Variants in CFAP54 observed in about 807,000 individuals in gnomAD.
CFAP54 encodes cilia and flagella associated protein 54, also known as cilia- and flagella-associated protein 54.
CFAP54 carries 290 observed loss-of-function variants against 370.4 expected under a neutral mutation model. The observed-to-expected ratio is 0.78, with a 90% CI of 0.71 to 0.86. The LOEUF is 0.86. Among genes scored for constraint, CFAP54 ranks in the 40% least tolerant of loss-of-function variants. CFAP54 has a pLI of 0.00. For synonymous variants in CFAP54, 1,206 were observed against 1,236.5 expected, an observed-to-expected ratio of 0.98 and a Z score of 0.52; for missense variants, 3,399 against 3,528.7, an observed-to-expected ratio of 0.96 and a Z score of 0.93.
At chr12:96,719,207 T>C (rs1957720443) in intron 49 of CFAP54, among the ~76,000 whole-genome samples, 2 of 152,222 alleles carry the variant, frequency 1.3e-5, no homozygotes, top group African/African-American at 2.4e-5. Flanking sequence ...TGAACTGTGC[T>C]GTGCTGAACC....
intron 58 of CFAP54, among the ~76,000 whole-genome samples, chr12:96,759,766 G>A (rs10860093): frequency 0.36 from 55,322 of 151,946 alleles, 10,818 homozygotes; most frequent in East Asian, 0.58. Flanking sequence ...TAGTTTCCTC[G>A]CCTGTGAAAT....
At chr12:96,665,189 T>A (rs1035093825) in intron 39 of CFAP54, among the ~76,000 whole-genome samples, 1 of 152,042 alleles carries the variant, frequency 6.6e-6, no homozygotes, top group African/African-American at 2.4e-5. Context: ...TAAATTTGCT[T>A]AAGTTCCTTA....
intron 5 of CFAP54, among the ~76,000 whole-genome samples, chr12:96,517,134 G>T (rs1157585890): frequency 6.6e-6 from 1 of 151,964 alleles, no homozygotes; most frequent in Non-Finnish European, 1.5e-5. Context: ...TTTGAAAATG[G>T]CTTTTCCTGT....
At chr12:96,663,774 G>A (rs964827325) in intron 38 of CFAP54, 56 bp from the exon 39 acceptor site, 51 of 1,305,238 alleles carry the variant, frequency 3.9e-5, no homozygotes, top group East Asian at 1.2e-4. Flanking sequence ...TCAAGTAAGC[G>A]AAATTTTTAA....
intron 65 of CFAP54, among the ~76,000 whole-genome samples, chr12:96,821,430 A>G (rs1485691414): frequency 6.6e-6 from 1 of 152,082 alleles, no homozygotes; most frequent in Non-Finnish European, 1.5e-5. Flanking sequence ...CTCAAGTAGA[A>G]CAAACTCTTT....
intron 58 of CFAP54, among the ~76,000 whole-genome samples, chr12:96,762,830 G>A (rs1958354494): frequency 1.3e-5 from 2 of 151,826 alleles, no homozygotes; most frequent in South Asian, 4.2e-4. Context: ...TTCCCCATAG[G>A]TAGATCTTTC....
intron 45 of CFAP54, among the ~76,000 whole-genome samples, chr12:96,697,358 T>G (rs1230043689): frequency 6.6e-6 from 1 of 152,100 alleles, no homozygotes; most frequent in East Asian, 1.9e-4. Flanking sequence ...AGAAAAATGG[T>G]CATCTAGAAA....
intron 28 of CFAP54, 50 bp downstream of exon 28, chr12:96,623,931 A>G: frequency 8.5e-7 from 1 of 1,170,792 alleles, no homozygotes; most frequent in Non-Finnish European, 1.2e-6. Context: ...GTTTTTTAAA[A>G]CGAGAAACTA....
At chr12:96,641,802 A>G (rs1329791093) in intron 32 of CFAP54, among the ~76,000 whole-genome samples, 1 of 152,156 alleles carries the variant, frequency 6.6e-6, no homozygotes, top group Non-Finnish European at 1.5e-5. Flanking sequence ...GCTGGAAACT[A>G]TCATTCTCAG....
chr12:96,617,989 C>CAAAAAAA (rs3055732), intron 26 of CFAP54, among the ~76,000 whole-genome samples: 3 of 117,116 alleles, frequency 2.6e-5, no homozygotes, highest in Admixed American at 9.3e-5. Flanking sequence ...GACTTTGTCT[C>CAAAAAAA]AAAAAAAAAA....
intron 50 of CFAP54, among the ~76,000 whole-genome samples, chr12:96,737,469 A>T (rs1190714446): frequency 6.8e-6 from 1 of 147,648 alleles, no homozygotes; most frequent in Non-Finnish European, 1.5e-5. Flanking sequence ...TATATTATAT[A>T]TTATATTTTA....
chr12:96,808,736 T>TA (rs1483173094), intron 63 of CFAP54, among the ~76,000 whole-genome samples: 1 of 152,270 alleles, frequency 6.6e-6, no homozygotes, highest in South Asian at 2.1e-4. Context: ...ACATTTTCTA[T>TA]AAAAAATGCA....
rs754737893 is a variant in CFAP54 at position 96,685,112 on chromosome 12, C to T, written c.5888C>T (p.Pro1963Leu). 3.1e-6 allele frequency: 5 copies of T among 1,613,974 alleles called. No homozygotes were observed. The highest frequency in any genetic ancestry group is 4.2e-6 in the Non-Finnish European group (5 of 1,180,002). Reference protein sequence around the residue: ...DVLHTWKEFGPSLTNVTNSHS... With the variant: ...DVLHTWKEFGLSLTNVTNSHS... ...CTACACACGTGGAAAGAATTTGGCC[C>T]CTCACTCACCAATGTCACCAACAGT... The change falls in exon 42 of 68, where the codon CCC becomes CTC. Residue 1963 changes from proline (P) to leucine (L), a missense_variant. This residue lies in a region of CFAP54 where 2,796 missense variants were observed against 2,869.7 expected (regional missense o/e 0.97). Coordinates refer to ENST00000524981, the MANE Select transcript of CFAP54 (RefSeq NM_001306084.2).
chr12:96,821,725 C>G (rs1005921174), intron 65 of CFAP54, among the ~76,000 whole-genome samples: 1 of 144,550 alleles, frequency 6.9e-6, no homozygotes, highest in Non-Finnish European at 1.5e-5. Flanking sequence ...AAAAAAAGCT[C>G]GATTCTGGGT....
chr12:96,791,174 T>C (rs900758339), intron 62 of CFAP54, among the ~76,000 whole-genome samples: 14 of 151,382 alleles, frequency 9.2e-5, no homozygotes, highest in African/African-American at 3.4e-4. Context: ...TTGCACTTCA[T>C]TGAAGAACGC....
intron 63 of CFAP54, among the ~76,000 whole-genome samples, chr12:96,806,158 A>AT: frequency 1.3e-5 from 1 of 79,612 alleles, no homozygotes. Flanking sequence ...GTCACTAGCC[A>AT]AATATATATA....
intron 15 of CFAP54, among the ~76,000 whole-genome samples, chr12:96,551,212 C>A (rs762338914): frequency 4.6e-5 from 7 of 152,016 alleles, no homozygotes; most frequent in Non-Finnish European, 8.8e-5. Flanking sequence ...GAGGCAAGAT[C>A]GTGCCACTGT....
At chr12:96,748,197 T>G (rs975800026) in intron 55 of CFAP54, among the ~76,000 whole-genome samples, 1 of 152,136 alleles carries the variant, frequency 6.6e-6, no homozygotes, top group African/African-American at 2.4e-5. Context: ...CCTTCCTACT[T>G]TAAAAGTTTA....
chr12:96,626,341 G>A (rs1044797442), intron 29 of CFAP54, among the ~76,000 whole-genome samples: 6 of 151,240 alleles, frequency 4.0e-5, no homozygotes, highest in East Asian at 3.9e-4. Flanking sequence ...AGCTGAGATC[G>A]TGCCACTACA....
Sources: gnomAD v4.1 joint callset for allele counts (sites outside exome capture counted in the v4.1 genomes callset) on GRCh38, gnomAD v4.1.1 for gene constraint, gnomAD v4.1.1 regional missense constraint, MANE v1.5 for transcripts, NCBI Gene and HGNC (gene_info 2026-07-23, HGNC 2026-07-21) for gene names.